Variants in CTDSPL observed in about 807,000 individuals in gnomAD.
CTDSPL encodes CTD small phosphatase like.
Under a neutral mutation model 30.5 loss-of-function variants are expected in CTDSPL, and 8 were observed. The observed-to-expected ratio is 0.26, with a 90% CI of 0.15 to 0.47. The LOEUF (loss-of-function observed/expected upper bound fraction) is 0.47. CTDSPL is among the 20% of genes least tolerant of loss of function. CTDSPL has a pLI of 0.99. For synonymous variants in CTDSPL, 110 were observed against 137.9 expected (o/e 0.80, Z 1.42); for missense variants, 248 against 366.1 (o/e 0.68, Z 2.63).
chr3:37,906,648 C>T (rs1467319862), intron 1 of CTDSPL, among the ~76,000 whole-genome samples: 2 of 152,056 alleles, frequency 1.3e-5, no homozygotes, highest in African/African-American at 4.8e-5. Context: ...CACAGAGTCC[C>T]TTAGGACAAG....
rs1294021036 is a variant in CTDSPL at position 37,872,572 on chromosome 3, C to CTTT, written c.79+10314_79+10316dup. The stretch of plus-strand genomic sequence containing the variant: ...TTTTTTTTTTTTTAAATTCTTTTAT[C>CTTT]TTTTTTTTTTTTTTTTTTTTTTGAG... On this transcript the variant is annotated intron_variant, in intron 1 of 7. Transcript: ENST00000273179. 5.0e-3 allele frequency among the ~76,000 whole-genome samples: 273 copies of CTTT among 54,224 alleles called. 3 individuals carry two copies. Among genetic ancestry groups the CTTT allele is most frequent in the African/African-American group, 0.013 (185 of 14,234 alleles). The allele number at this position is 54,224 out of a possible 152,430, so 35.6% of individuals were successfully genotyped here.
chr3:37,946,260 G>C (rs775915038), intron 1 of CTDSPL, among the ~76,000 whole-genome samples: 1 of 152,166 alleles, frequency 6.6e-6, no homozygotes, highest in Non-Finnish European at 1.5e-5. Flanking sequence ...GCAGCTTGTC[G>C]TGAGCCTTGG....
intron 2 of CTDSPL, among the ~76,000 whole-genome samples, chr3:37,951,133 C>T (rs374500466): frequency 1.5e-4 from 22 of 143,880 alleles, no homozygotes; most frequent in African/African-American, 5.1e-4. Context: ...TTTGGGAGGC[C>T]GAGGTGGGCA....
In CTDSPL at chr3:37,884,816, C is replaced by T. The variant is rs191121985; in HGVS notation, c.79+22538C>T. On this transcript the variant is annotated intron_variant, in intron 1 of 7. Coordinates refer to ENST00000273179, the MANE Select transcript of CTDSPL (RefSeq NM_001008392.2). ...GGAAAATTAGAGTGTTCATAAGCCA[C>T]GGCTTCTAATTTCTTGGTGAAATCA... Among the ~76,000 whole-genome samples, 48 of 149,204 alleles carry T rather than the reference C, an allele frequency of 3.2e-4. 1 individual carries two copies. Among genetic ancestry groups the T allele is most frequent in the Admixed American group, 2.7e-3 (41 of 15,004 alleles).
chr3:37,975,565 G>T lies in CTDSPL; in HGVS notation c.520-144G>T. ...GAATCCAGTGCCATCTTATGTACAC[G>T]GAGAGGAAAATAACCAGGATCCTAA... is the stretch of plus-strand genomic sequence containing the variant. On this transcript the variant is annotated intron_variant, in intron 6 of 7. Transcript: ENST00000273179. The surrounding 1 kb of genome is among the most constrained non-coding windows in gnomAD (Gnocchi z 4.9). 1.5e-6 allele frequency: 1 copy of T among 668,672 alleles called. No homozygotes were observed. The highest frequency in any genetic ancestry group is 2.5e-6 in the Non-Finnish European group (1 of 404,550). 41.4% of individuals were successfully genotyped at this position (668,672 alleles called of 1,614,324 possible).
chr3:37,882,639 C>T (rs1698220797), intron 1 of CTDSPL, among the ~76,000 whole-genome samples: 1 of 151,862 alleles, frequency 6.6e-6, no homozygotes, highest in Non-Finnish European at 1.5e-5. Flanking sequence ...TAATAATAAT[C>T]CTGGACTCTA....
intron 1 of CTDSPL, among the ~76,000 whole-genome samples, chr3:37,882,717 G>C (rs1226765610): frequency 6.6e-6 from 1 of 152,130 alleles, no homozygotes; most frequent in African/African-American, 2.4e-5. Flanking sequence ...AAAAGAAGAG[G>C]TTAAAATGCA....
intron 1 of CTDSPL, among the ~76,000 whole-genome samples, chr3:37,927,567 G>A (rs760504160): frequency 2.8e-4 from 43 of 151,482 alleles, no homozygotes; most frequent in Admixed American, 1.4e-3. Context: ...CAGGCATTCC[G>A]TCAGCAGTAA....
At chr3:37,965,361 G>A (rs1030535694) in intron 4 of CTDSPL, among the ~76,000 whole-genome samples, 4 of 152,218 alleles carry the variant, frequency 2.6e-5, no homozygotes, top group Non-Finnish European at 1.5e-5. Flanking sequence ...TGCAGGAAGA[G>A]CTGTGGCGAC....
chr3:37,943,592 A>G (rs535019710), intron 1 of CTDSPL, among the ~76,000 whole-genome samples: 35 of 150,522 alleles, frequency 2.3e-4, no homozygotes, highest in African/African-American at 8.2e-4. Flanking sequence ...TGCTCTTCCA[A>G]AGTAATTTCT....
At chr3:37,887,558 T>G (rs1043594544) in intron 1 of CTDSPL, among the ~76,000 whole-genome samples, 4 of 152,196 alleles carry the variant, frequency 2.6e-5, no homozygotes, top group African/African-American at 9.7e-5. Flanking sequence ...ACTATAAAAA[T>G]AATTATATTC....
Position 37,971,328 on chromosome 3 carries a change from C to T in CTDSPL, c.427-79C>T, listed in dbSNP as rs942490822. Reference sequence around the variant, plus strand: ...GGCAGGAACCTTTGTAGCAATTCTTCCTACAGTGGGCATTTGGGCCCCAGG... The same window carrying T: ...GGCAGGAACCTTTGTAGCAATTCTTTCTACAGTGGGCATTTGGGCCCCAGG... On this transcript the variant is annotated intron_variant, in intron 5 of 7. Coordinates refer to ENST00000273179, the MANE Select transcript of CTDSPL (RefSeq NM_001008392.2). 4.7e-6 allele frequency: 6 copies of T among 1,269,146 alleles called. No individual in the cohort carries two copies. The Admixed American group carries it at 7.7e-5, about 16-fold the overall frequency. The allele number at this position is 1,269,146 out of a possible 1,614,324, so 78.6% of individuals were successfully genotyped here.
rs561052635 is a variant in CTDSPL at position 37,878,085 on chromosome 3, A to C, written c.79+15807A>C. On this transcript the variant is annotated intron_variant, in intron 1 of 7. Coordinates refer to ENST00000273179, the MANE Select transcript of CTDSPL (RefSeq NM_001008392.2). ...TTCAGTGTCTCCACATCCTCATCACACTTGTTATCTTCTGTTTTTGTTTGT... is the reference window on the plus strand; with the variant it reads ...TTCAGTGTCTCCACATCCTCATCACCCTTGTTATCTTCTGTTTTTGTTTGT... Among the ~76,000 whole-genome samples the C allele has an allele frequency of 2.6e-5, 4 of 151,956 alleles. No individual in the cohort carries two copies. The South Asian group carries it at 8.3e-4, about 32-fold the overall frequency.
chr3:37,898,755 A>C (rs1463789375), intron 1 of CTDSPL, among the ~76,000 whole-genome samples: 10 of 152,164 alleles, frequency 6.6e-5, no homozygotes, highest in Non-Finnish European at 1.5e-5. Flanking sequence ...GCAGGCAATC[A>C]CAAGTGAACC....
chr3:37,970,430 T>C (rs191463861), intron 5 of CTDSPL, among the ~76,000 whole-genome samples: 3 of 152,372 alleles, frequency 2.0e-5, no homozygotes, highest in Non-Finnish European at 2.9e-5. Context: ...CAGGCTGAGC[T>C]CAGAGCTGAG....
At chr3:37,936,085 C>CATCT (rs2125617496) in intron 1 of CTDSPL, among the ~76,000 whole-genome samples, 1 of 152,306 alleles carries the variant, frequency 6.6e-6, no homozygotes, top group South Asian at 2.1e-4. Flanking sequence ...TGGGGAAACA[C>CATCT]ATCTGCCTTT....
Position 37,969,751 on chromosome 3 carries a change from G to A in CTDSPL, c.427-1656G>A, listed in dbSNP as rs369580857. ...GCTCCTCAGAGCTGTGTTGGCACCC[G>A]TGCTACGACATCCTGTTCCTCCAGC... On this transcript the variant is annotated intron_variant, in intron 5 of 7. Coordinates refer to ENST00000273179, the MANE Select transcript of CTDSPL (RefSeq NM_001008392.2). 2.3e-3 allele frequency among the ~76,000 whole-genome samples: 352 copies of A among 152,270 alleles called. 9 individuals carry two copies. In the South Asian group the frequency reaches 0.051, roughly 22 times the overall value.
intron 1 of CTDSPL, among the ~76,000 whole-genome samples, chr3:37,913,479 C>G (rs1698606637): frequency 6.6e-6 from 1 of 152,168 alleles, no homozygotes; most frequent in Non-Finnish European, 1.5e-5. Flanking sequence ...GGTAGCAAGA[C>G]ACAGTGCCTA....
At chr3:37,926,758 A>T (rs1184728308) in intron 1 of CTDSPL, among the ~76,000 whole-genome samples, 1 of 152,226 alleles carries the variant, frequency 6.6e-6, no homozygotes, top group East Asian at 1.9e-4. Context: ...AAATGCATTT[A>T]TTATCTGGAG....
Sources: allele counts gnomAD v4.1 joint callset (sites outside exome capture counted in the v4.1 genomes callset), GRCh38; gene constraint gnomAD v4.1.1; non-coding constraint Gnocchi (gnomAD v3.1); transcripts MANE v1.5; gene names NCBI Gene and HGNC (gene_info 2026-07-23, HGNC 2026-07-21).